The following ADCY2 variants were observed in gnomAD, a reference collection of about 807,000 sequenced individuals.
The protein encoded by ADCY2 is adenylate cyclase 2.
Under a neutral mutation model 125.2 loss-of-function variants are expected in ADCY2, and 31 were observed. The ratio of observed to expected loss-of-function variants is 0.25; its 90% CI spans 0.19 to 0.33. The LOEUF (loss-of-function observed/expected upper bound fraction) is 0.33, where lower values mean the gene tolerates loss of function less well. Among genes scored for constraint, ADCY2 ranks in the 10% least tolerant of loss-of-function variants. ADCY2 has a pLI of 1.00. For synonymous variants in ADCY2, 512 were observed against 548.4 expected, an observed-to-expected ratio of 0.93 and a Z score of 0.93; for missense variants, 904 against 1,418.2, an observed-to-expected ratio of 0.64 and a Z score of 5.82.
intron 4 of ADCY2, among the ~76,000 whole-genome samples, chr5:7,681,458 CGA>C (rs780158172): frequency 1.9e-4 from 29 of 152,088 alleles, no homozygotes; most frequent in Admixed American, 1.3e-4. Flanking sequence ...TGCCTCAGTG[CGA>C]GAGTGTCCTA....
At chr5:7,642,445 T>G (rs1738744516) in intron 4 of ADCY2, among the ~76,000 whole-genome samples, 1 of 152,200 alleles carries the variant, frequency 6.6e-6, no homozygotes, top group African/African-American at 2.4e-5. Flanking sequence ...ATGCATAGTT[T>G]GCAAATAATT....
intron 3 of ADCY2, among the ~76,000 whole-genome samples, chr5:7,613,945 G>A (rs1354080927): frequency 6.6e-6 from 1 of 152,244 alleles, no homozygotes; most frequent in Non-Finnish European, 1.5e-5. Flanking sequence ...TGAAGAGCAG[G>A]CTTTACGTTA....
chr5:7,453,462 G>A (rs1741548149), intron 2 of ADCY2, among the ~76,000 whole-genome samples: 3 of 152,274 alleles, frequency 2.0e-5, no homozygotes, highest in African/African-American at 4.8e-5. Context: ...TCTTGTTACT[G>A]GCGGTGAATC....
At chr5:7,607,552 C>A (rs555504492) in intron 3 of ADCY2, among the ~76,000 whole-genome samples, 1 of 152,218 alleles carries the variant, frequency 6.6e-6, no homozygotes, top group East Asian at 1.9e-4. Flanking sequence ...TGAGCTCTCA[C>A]GAGTAAAGCA....
At chr5:7,654,638 G>A in intron 4 of ADCY2, among the ~76,000 whole-genome samples, 1 of 152,244 alleles carries the variant, frequency 6.6e-6, no homozygotes, top group East Asian at 1.9e-4. Flanking sequence ...CATTTTACAA[G>A]TTTGTCATTT....
chr5:7,708,388 C>G (rs1027468197), intron 9 of ADCY2, among the ~76,000 whole-genome samples: 1 of 152,162 alleles, frequency 6.6e-6, no homozygotes, highest in African/African-American at 2.4e-5. Context: ...ATGATCCACC[C>G]CATACAAACA....
intron 1 of ADCY2, among the ~76,000 whole-genome samples, chr5:7,401,788 A>T (rs1005141005): frequency 2.0e-5 from 3 of 152,240 alleles, no homozygotes; most frequent in Admixed American, 2.0e-4. Context: ...AAAATGGAAC[A>T]ACACTGTTAG....
intron 24 of ADCY2, among the ~76,000 whole-genome samples, chr5:7,826,403 G>A (rs1447608820): frequency 2.0e-5 from 3 of 152,026 alleles, no homozygotes; most frequent in Non-Finnish European, 2.9e-5. Flanking sequence ...CTGGATCCAG[G>A]CTCAATTCCT....
intron 21 of ADCY2, among the ~76,000 whole-genome samples, chr5:7,804,040 AAGAGAGAG>A (rs57193249): frequency 0.026 from 2,775 of 106,620 alleles, 91 homozygotes; most frequent in African/African-American, 0.061. Context: ...GGAGGGGGGA[AAGAGAGAG>A]AGAGAGAGAG....
At chr5:7,663,720 C>T (rs759635006) in intron 4 of ADCY2, among the ~76,000 whole-genome samples, 42 of 152,222 alleles carry the variant, frequency 2.8e-4, no homozygotes, top group Non-Finnish European at 4.9e-4. Context: ...GGCTGTTGGA[C>T]GAAGCATATT....
In ADCY2 at chr5:7,708,980, C is replaced by A. The variant is rs151246995; in HGVS notation, c.1402-231C>A. 2.2e-3 allele frequency among the ~76,000 whole-genome samples: 331 copies of A among 152,262 alleles called. 3 individuals carry two copies. Among genetic ancestry groups the A allele is most frequent in the African/African-American group, 7.6e-3 (316 of 41,558 alleles). ...TAATAAAAAATGTCCATTAACATAT[C>A]ATTATTTTTTTCTAAGTCTCAATTA... is the stretch of plus-strand genomic sequence containing the variant. On this transcript the variant is annotated intron_variant, in intron 9 of 24. Coordinates refer to ENST00000338316, the MANE Select transcript of ADCY2 (RefSeq NM_020546.3).
At chr5:7,826,463 T>C in intron 24 of ADCY2, 1 of 570,472 alleles carries the variant, frequency 1.8e-6, no homozygotes, top group South Asian at 1.8e-5. Flanking sequence ...AGCATCATGG[T>C]AGCACCGTAG....
chr5:7,568,224 G>A (rs778217696), intron 3 of ADCY2, among the ~76,000 whole-genome samples: 1 of 152,072 alleles, frequency 6.6e-6, no homozygotes, highest in Non-Finnish European at 1.5e-5. Flanking sequence ...TCATGTCCAC[G>A]TGGTCCTGGC....
chr5:7,808,243 G>T (rs1006040449), intron 22 of ADCY2, among the ~76,000 whole-genome samples: 3 of 152,190 alleles, frequency 2.0e-5, no homozygotes, highest in Non-Finnish European at 4.4e-5. Context: ...GGAAGTGTGT[G>T]TATGTTTCTT....
intron 2 of ADCY2, among the ~76,000 whole-genome samples, chr5:7,505,901 A>G (rs1743794040): frequency 6.6e-6 from 1 of 152,212 alleles, no homozygotes; most frequent in African/African-American, 2.4e-5. Context: ...AAGAATATGG[A>G]CATGAATATT....
chr5:7,804,040 A>AGAGAGAGAGAGAGAGAGAG (rs1744682437), intron 21 of ADCY2, among the ~76,000 whole-genome samples: 10 of 106,606 alleles, frequency 9.4e-5, no homozygotes, highest in Non-Finnish European at 1.1e-4. Flanking sequence ...GGAGGGGGGA[A>AGAGAGAGAGAGAGAGAGAG]AGAGAGAGAG....
chr5:7,654,447 T>C (rs747897377), intron 4 of ADCY2, among the ~76,000 whole-genome samples: 16 of 152,102 alleles, frequency 1.1e-4, no homozygotes, highest in African/African-American at 1.4e-4. Context: ...GAGAGGTAGA[T>C]AGGCTGTTGG....
intron 15 of ADCY2, among the ~76,000 whole-genome samples, chr5:7,747,026 C>T (rs1340238485): frequency 3.3e-5 from 5 of 152,126 alleles, no homozygotes; most frequent in Non-Finnish European, 5.9e-5. Flanking sequence ...AAAAATCGTA[C>T]AGGTATTTGT....
intron 19 of ADCY2, among the ~76,000 whole-genome samples, chr5:7,788,250 G>GCT (rs1744142492): frequency 6.6e-6 from 1 of 152,134 alleles, no homozygotes; most frequent in Non-Finnish European, 1.5e-5. Flanking sequence ...CTCAATCTCT[G>GCT]CTCCCTGCAA....
Sources: gnomAD v4.1 joint callset for allele counts (sites outside exome capture counted in the v4.1 genomes callset) on GRCh38, gnomAD v4.1.1 for gene constraint, MANE v1.5 for transcripts, NCBI Gene and HGNC (gene_info 2026-07-23, HGNC 2026-07-21) for gene names.